Variants in KCNG1 observed in about 807,000 individuals in gnomAD.
KCNG1 encodes potassium voltage-gated channel modifier subfamily G member 1.
Under a neutral mutation model 32.4 loss-of-function variants are expected in KCNG1, and 17 were observed. The ratio of observed to expected loss-of-function variants is 0.52; its 90% CI spans 0.36 to 0.79. KCNG1 has a LOEUF of 0.79. Among genes scored for constraint, KCNG1 ranks in the 30% least tolerant of loss-of-function variants. The pLI is 0.00. For missense variants in KCNG1, 441 were observed against 735.2 expected (o/e 0.60, Z 4.63); for synonymous variants, 358 against 339.9 (o/e 1.05, Z -0.59).
At chr20:51,008,682 GA>G (rs1987935349) in intron 2 of KCNG1, among the ~76,000 whole-genome samples, 3 of 152,016 alleles carry the variant, frequency 2.0e-5, no homozygotes, top group African/African-American at 7.2e-5. Flanking sequence ...ATTTTTATAT[GA>G]AAAAACTTCA....
Position 51,015,741 on chromosome 20 carries a change from G to T in KCNG1, c.-26-5377C>A, listed in dbSNP as rs1988258895. Among the ~76,000 whole-genome samples, 1 of 152,236 alleles carries T rather than the reference G, an allele frequency of 6.6e-6. No homozygotes were observed. The highest frequency in any genetic ancestry group is 1.5e-5 in the Non-Finnish European group (1 of 68,034). ...AGACTGCATGGAAGGAGGAACGAAG[G>T]TTACAGGTGGAATTAAGGCTGCTAC... On this transcript the variant is annotated intron_variant, in intron 1 of 2. Coordinates refer to ENST00000371571, the MANE Select transcript of KCNG1 (RefSeq NM_002237.4). The surrounding 1 kb of genome is among the most constrained non-coding windows in gnomAD (Gnocchi z 4.4).
chr20:51,004,025 C>G lies in KCNG1; in HGVS notation c.*14G>C. 1 of 1,607,672 alleles carries G rather than the reference C, an allele frequency of 6.2e-7. No individual in the cohort carries two copies. On this transcript the variant is annotated 3_prime_UTR_variant, in exon 3 of 3. Coordinates refer to ENST00000371571, the MANE Select transcript of KCNG1 (RefSeq NM_002237.4). The surrounding 1 kb of genome is among the most constrained non-coding windows in gnomAD (Gnocchi z 4.3). ...GGCCACAGATGGCAGGCAGGGCAGG[C>G]GTGTCCTCCGCGCTCAGTTATTGTC...
chr20:51,011,870 C>T (rs778091027), intron 1 of KCNG1, among the ~76,000 whole-genome samples: 3 of 152,238 alleles, frequency 2.0e-5, no homozygotes, highest in Non-Finnish European at 4.4e-5. Flanking sequence ...GATCTTGGCT[C>T]ATTGCAATCT....
rs1987726214 is a variant in KCNG1 at position 51,004,192 on chromosome 20, G to A, written c.1389C>T (p.Phe463=). The A allele has an allele frequency of 6.2e-7, 1 of 1,614,186 alleles. No individual in the cohort carries two copies. The highest frequency in any genetic ancestry group is 1.3e-5 in the African/African-American group (1 of 75,052). The part of the protein sequence containing the change: ...AFPVTSIFHT[F]SRSYLELKQE... ...GCTTGAGCTCCAGGTAGGAGCGGGAGAAGGTGTGGAAGATGGAGGTGACTG... is the reference window on the plus strand; with the variant it reads ...GCTTGAGCTCCAGGTAGGAGCGGGAAAAGGTGTGGAAGATGGAGGTGACTG... Residue 463 remains phenylalanine (F), a synonymous_variant, in exon 3 of 3, where the codon TTC becomes TTT. Coordinates refer to ENST00000371571, the MANE Select transcript of KCNG1 (RefSeq NM_002237.4). This position sits in a 1 kb window ranked among gnomAD's most constrained non-coding sequence, Gnocchi z 4.3.
intron 1 of KCNG1, among the ~76,000 whole-genome samples, chr20:51,016,893 C>T (rs1002810526): frequency 3.3e-5 from 5 of 152,168 alleles, no homozygotes; most frequent in African/African-American, 7.2e-5. Flanking sequence ...AGAGGGTATG[C>T]GGGCTGGCCT....
intron 1 of KCNG1, among the ~76,000 whole-genome samples, chr20:51,016,056 C>T (rs935913761): frequency 1.3e-5 from 2 of 152,218 alleles, no homozygotes; most frequent in Non-Finnish European, 2.9e-5. Flanking sequence ...CCATTTCCAA[C>T]CTCTGACCTC....
chr20:51,019,717 C>T (rs1241126296), intron 1 of KCNG1, among the ~76,000 whole-genome samples: 2 of 151,802 alleles, frequency 1.3e-5, no homozygotes, highest in African/African-American at 2.4e-5. Flanking sequence ...GTGGGTGTCT[C>T]GGGGACCCGT....
chr20:51,021,685 C>G (rs991302067), intron 1 of KCNG1, among the ~76,000 whole-genome samples: 1 of 152,170 alleles, frequency 6.6e-6, no homozygotes, highest in Non-Finnish European at 1.5e-5. Context: ...TCTCCCTCTT[C>G]TATGTGTCTG....
At chr20:51,021,126 T>C (rs1988465453) in intron 1 of KCNG1, among the ~76,000 whole-genome samples, 1 of 152,194 alleles carries the variant, frequency 6.6e-6, no homozygotes. Context: ...CTCTCAAGTC[T>C]CAGGAGAAGA....
chr20:51,016,027 G>A (rs533646677), intron 1 of KCNG1, among the ~76,000 whole-genome samples: 80 of 152,280 alleles, frequency 5.3e-4, no homozygotes, highest in African/African-American at 1.8e-3. Context: ...GCCAATACTC[G>A]ATATTAGCCC....
rs192802275 is a variant in KCNG1, at chr20:51,015,758, G to A, written c.-26-5394C>T. ...GAACGAAGGTTACAGGTGGAATTAA[G>A]GCTGCTACAGCTGATCTGAGATGGG... On this transcript the variant is annotated intron_variant, in intron 1 of 2. Transcript: ENST00000371571. This position sits in a 1 kb window ranked among gnomAD's most constrained non-coding sequence, Gnocchi z 4.4. Among the ~76,000 whole-genome samples, 9 of 152,362 alleles carry A rather than the reference G, an allele frequency of 5.9e-5. No individual in the cohort carries two copies. In the East Asian group the frequency reaches 1.7e-3, roughly 29 times the overall value.
intron 1 of KCNG1, among the ~76,000 whole-genome samples, chr20:51,011,712 T>G (rs1021671387): frequency 6.6e-6 from 1 of 152,210 alleles, no homozygotes; most frequent in African/African-American, 2.4e-5. Context: ...TTTGATAAGA[T>G]TGCTGGGAGG....
At position 51,009,743 on chromosome 20, in the gene KCNG1, G is replaced by C. The variant is rs1568799042; in HGVS notation, c.596C>G (p.Pro199Arg). The change falls in exon 2 of 3, where the codon CCG (proline) becomes CGG (arginine). Residue 199 changes from proline to arginine, a missense_variant. Coordinates refer to ENST00000371571, the MANE Select transcript of KCNG1 (RefSeq NM_002237.4). ...CCCCAGGCGGCCCTCGCCCTCGGCC[G>C]GGCCCTCGCTGTCGCGGCCCTCGCT... ...LDSEGRDSEG[P>R]AEGEGRLGRC... is the part of the protein sequence containing the mutation. 2 of 1,608,154 alleles carry C rather than the reference G, an allele frequency of 1.2e-6. No homozygotes were observed. Among genetic ancestry groups the C allele is most frequent in the Non-Finnish European group, 1.7e-6 (2 of 1,179,304 alleles).
chr20:51,022,103 C>T (rs992270489), intron 1 of KCNG1, among the ~76,000 whole-genome samples: 2 of 152,210 alleles, frequency 1.3e-5, no homozygotes, highest in Admixed American at 6.5e-5. Flanking sequence ...TTCCATCCCT[C>T]TTCACTTCTC....
intron 1 of KCNG1, among the ~76,000 whole-genome samples, chr20:51,016,568 G>A (rs550724281): frequency 6.4e-4 from 98 of 152,334 alleles, no homozygotes; most frequent in African/African-American, 2.2e-3. Flanking sequence ...AGGAGACCTG[G>A]GTTCAAGGCC....
At position 51,004,696 on chromosome 20, in the gene KCNG1, G is replaced by A; in HGVS notation, c.885C>T (p.Ala295=). ...LRLIQAPSKF[A]FLRSPLTLID... Reference sequence around the variant, plus strand: ...TCAGCGTCAGCGGGCTCCGCAGGAAGGCGAACTTGCTGGGCGCCTGAATGA... The same window carrying A: ...TCAGCGTCAGCGGGCTCCGCAGGAAAGCGAACTTGCTGGGCGCCTGAATGA... The change falls in exon 3 of 3, where the codon GCC becomes GCT. Residue 295 remains alanine (A), a synonymous_variant. Transcript: ENST00000371571. This position sits in a 1 kb window ranked among gnomAD's most constrained non-coding sequence, Gnocchi z 4.3. 1 of 1,599,390 alleles carries A rather than the reference G, an allele frequency of 6.3e-7. No individual in the cohort carries two copies. Among genetic ancestry groups the A allele is most frequent in the Non-Finnish European group, 8.5e-7 (1 of 1,173,158 alleles).
At chr20:51,017,945 G>T (rs920383918) in intron 1 of KCNG1, among the ~76,000 whole-genome samples, 2 of 152,180 alleles carry the variant, frequency 1.3e-5, no homozygotes, top group African/African-American at 2.4e-5. Flanking sequence ...GGAGCCCAGA[G>T]ATCCACTGAC....
chr20:51,020,854 C>T (rs1402521875), intron 1 of KCNG1, among the ~76,000 whole-genome samples: 1 of 152,162 alleles, frequency 6.6e-6, no homozygotes. Flanking sequence ...TCCTGAGGCA[C>T]CTCCCTCACC....
chr20:51,003,933 C>A lies in KCNG1; in HGVS notation c.*106G>T, dbSNP rs1467868813. On this transcript the variant is annotated 3_prime_UTR_variant, in exon 3 of 3. Coordinates refer to ENST00000371571, the MANE Select transcript of KCNG1 (RefSeq NM_002237.4). ...CCCGGGTGCGTGGGAGTCGGTGCTG[C>A]GCCAGGACTGCACTCGGAAGCGGCC... The A allele has an allele frequency of 6.1e-6, 8 of 1,310,742 alleles. No homozygotes were observed. The South Asian group carries it at 9.7e-5, about 16-fold the overall frequency. The allele number at this position is 1,310,742 out of a possible 1,614,324, so 81.2% of individuals were successfully genotyped here.
Sources: allele counts gnomAD v4.1 joint callset (sites outside exome capture counted in the v4.1 genomes callset), GRCh38; gene constraint gnomAD v4.1.1; non-coding constraint Gnocchi (gnomAD v3.1); transcripts MANE v1.5; gene names NCBI Gene and HGNC (gene_info 2026-07-23, HGNC 2026-07-21).